Variants in KDM3A observed in about 807,000 individuals in gnomAD.
The protein encoded by KDM3A is lysine-specific demethylase 3A.
KDM3A carries 60 observed loss-of-function variants against 158.0 expected under a neutral mutation model. The ratio of observed to expected loss-of-function variants is 0.38; its 90% confidence interval spans 0.31 to 0.47. KDM3A has a LOEUF of 0.47. Among genes scored for constraint, KDM3A ranks in the 20% least tolerant of loss-of-function variants. The pLI is 0.99. For missense variants in KDM3A, 1,319 were observed against 1,574.3 expected, an observed-to-expected ratio of 0.84 and a Z score of 2.74; for synonymous variants, 608 against 549.3, an observed-to-expected ratio of 1.11 and a Z score of -1.49.
intron 18 of KDM3A, 198 bp downstream of exon 18, chr2:86,482,892 T>C: frequency 1.7e-6 from 1 of 571,668 alleles, no homozygotes. Context: ...AAGCTGGACT[T>C]TTCCAGTCAG....
In KDM3A at chr2:86,491,295, C is replaced by G; in HGVS notation, c.3885+20C>G. On this transcript the variant is annotated intron_variant, in intron 25 of 25. Coordinates refer to ENST00000312912, the MANE Select transcript of KDM3A (RefSeq NM_018433.6). ...TTACAGGTAAAAATAGCACCAATTC[C>G]TAGCATTCTTTGGCTATGGCTATGG... The G allele has an allele frequency of 1.2e-6, 2 of 1,611,878 alleles. No individual in the cohort carries two copies. Among genetic ancestry groups the G allele is most frequent in the Non-Finnish European group, 1.7e-6 (2 of 1,178,206 alleles).
At chr2:86,489,699 A>G in intron 23 of KDM3A, 40 bp downstream of exon 23, 1 of 1,574,026 alleles carries the variant, frequency 6.4e-7, no homozygotes, top group Non-Finnish European at 8.6e-7. Flanking sequence ...GGCATAAGGA[A>G]TAGCAATATT....
intron 2 of KDM3A, 101 bp from the exon 3 acceptor site, chr2:86,449,706 T>C (rs1672357722): frequency 3.9e-6 from 5 of 1,286,108 alleles, no homozygotes; most frequent in Admixed American, 4.9e-5. Context: ...AGATAAAGGA[T>C]TCAAATAGAA....
intron 8 of KDM3A, among the ~76,000 whole-genome samples, chr2:86,461,091 C>A (rs566230716): frequency 3.2e-4 from 49 of 152,222 alleles, no homozygotes; most frequent in African/African-American, 1.1e-3. Context: ...GCGCCAGGCA[C>A]TATGGTAAAA....
rs769738910 is a variant in KDM3A, at chr2:86,450,090, T to A, written c.342+128T>A. ...TCCCAGGATCTCCTGCCAGCCCTTTTAAGAACTCTGCACTTCTGAGCGAGT... is the reference window on the plus strand; with the variant it reads ...TCCCAGGATCTCCTGCCAGCCCTTTAAAGAACTCTGCACTTCTGAGCGAGT... On this transcript the variant is annotated intron_variant, in intron 3 of 25. Transcript: ENST00000312912. 4 of 997,972 alleles carry A rather than the reference T, an allele frequency of 4.0e-6. No homozygotes were observed. In the Admixed American group the frequency reaches 7.5e-5, roughly 19 times the overall value. The allele number at this position is 997,972 out of a possible 1,614,324, so 61.8% of individuals were successfully genotyped here. A position where few individuals can be genotyped will look rare whatever the true frequency, so the allele number is the denominator to read the frequency against.
At chr2:86,488,442 G>T (rs1200210467) in intron 21 of KDM3A, 2 of 152,040 alleles carry the variant, frequency 1.3e-5, no homozygotes, top group African/African-American at 2.4e-5. Flanking sequence ...CTACTCCCAG[G>T]ACTGATATTT....
rs78988705 is a variant in KDM3A, at chr2:86,445,762, C to T, written c.186+3529C>T. On this transcript the variant is annotated intron_variant, in intron 2 of 25. Transcript: ENST00000312912. ...ATGTAAAATGAAAAAACTTCTAGCA[C>T]GGTATAAAAACTGTTTACCCCTTTT... is the stretch of plus-strand genomic sequence containing the variant. Among the ~76,000 whole-genome samples the T allele has an allele frequency of 5.8e-3, 883 of 152,280 alleles. 11 individuals are homozygous for T. The highest frequency in any genetic ancestry group is 0.019 in the African/African-American group (789 of 41,544).
In KDM3A at chr2:86,466,469, C is replaced by G. The variant is rs750083352; in HGVS notation, c.1105C>G (p.Leu369Val). ...TKPDVCKAGL[L>V]SKSSQIGTGD... ...ACCAGATGTCTGCAAAGCAGGGTTG[C>G]TCTCAAAGTCCTCTCAGATTGGAAC... Residue 369 changes from leucine to valine, a missense_variant, in exon 10 of 26, where the codon CTC becomes GTC. Leu to Val is a conservative substitution (Grantham distance 32). This residue lies in a region of KDM3A where 652 missense variants were observed against 627.2 expected (regional missense o/e 1.04). Coordinates refer to ENST00000312912, the MANE Select transcript of KDM3A (RefSeq NM_018433.6). 1.9e-6 allele frequency: 3 copies of G among 1,613,878 alleles called. No homozygotes were observed. The South Asian group carries it at 3.3e-5, about 18-fold the overall frequency.
At chr2:86,477,820 T>G in intron 12 of KDM3A, 57 bp from the exon 13 acceptor site, 1 of 1,519,196 alleles carries the variant, frequency 6.6e-7, no homozygotes, top group Non-Finnish European at 8.9e-7. Flanking sequence ...TACCTTTCGT[T>G]TTTGGTTTCA....
chr2:86,439,156 T>C (rs1445468687), upstream of KDM3A, among the ~76,000 whole-genome samples: 2 of 152,072 alleles, frequency 1.3e-5, no homozygotes, highest in Admixed American at 6.5e-5. Context: ...TAGTTTTCTA[T>C]GTAATTTAAA....
At chr2:86,456,416 A>ATTTTTTTTT (rs11431031) in intron 5 of KDM3A, 26 bp from the exon 6 acceptor site, 2 of 1,057,868 alleles carry the variant, frequency 1.9e-6, no homozygotes, top group Non-Finnish European at 2.5e-6. Context: ...TTGCTCTAAG[A>ATTTTTTTTT]TTTTTTTTTT....
In KDM3A at chr2:86,456,468, G is replaced by A; in HGVS notation, c.583G>A (p.Val195Ile). 7.0e-7 allele frequency: 1 copy of A among 1,437,000 alleles called. No individual in the cohort carries two copies. The highest frequency in any genetic ancestry group is 2.5e-5 in the East Asian group (1 of 39,768). The allele number at this position is 1,437,000 out of a possible 1,614,324, so 89.0% of individuals were successfully genotyped here. ...TGACAAAAACTTAGTTGGTTCAGAA[G>A]TAAAAATTTATAGCTTGGACCCATC... is the stretch of plus-strand genomic sequence containing the variant. Reference protein sequence around the residue: ...KGDKNLVGSEVKIYSLDPSTQ... With the variant: ...KGDKNLVGSEIKIYSLDPSTQ... Residue 195 changes from valine (V) to isoleucine (I), a missense_variant, in exon 6 of 26, where the codon GTA becomes ATA. Physicochemically the swap from Val to Ile is conservative, Grantham distance 29. Around this residue, in one of 4 missense-constraint regions of KDM3A, gnomAD observed 652 missense variants for 627.2 expected, o/e 1.04. Coordinates refer to ENST00000312912, the MANE Select transcript of KDM3A (RefSeq NM_018433.6).
In KDM3A at chr2:86,482,020, C is replaced by G; in HGVS notation, c.2603C>G (p.Thr868Arg). Residue 868 changes from threonine to arginine, a missense_variant, in exon 17 of 26, where the codon ACG becomes AGG. Physicochemically the swap from Thr to Arg is moderately conservative, Grantham distance 71. This residue lies in a region of KDM3A where 368 missense variants were observed against 415.8 expected (regional missense o/e 0.89). Transcript: ENST00000312912. ...PLSKSSTVLH[T>R]FNSTILTPVS... ...AGCAAATCCAGCACAGTCCTCCATA[C>G]GTTTAACAGCACAATTTTGACACCC... is the stretch of plus-strand genomic sequence containing the variant. The G allele has an allele frequency of 6.2e-7, 1 of 1,613,970 alleles. No homozygotes were observed. Among genetic ancestry groups the G allele is most frequent in the Middle Eastern group, 1.6e-4 (1 of 6,062 alleles).
Position 86,491,131 on chromosome 2 carries a change from T to C in KDM3A, c.3751-10T>C. ...GGTTTGTTACTGATATATTACTTGG[T>C]GTTTTTCAGGTTCATAACTTATATA... On this transcript the variant is annotated splice_polypyrimidine_tract_variant and intron_variant, in intron 24 of 25. Coordinates refer to ENST00000312912, the MANE Select transcript of KDM3A (RefSeq NM_018433.6). 1.9e-6 allele frequency: 3 copies of C among 1,613,940 alleles called. No individual in the cohort carries two copies. The highest frequency in any genetic ancestry group is 3.3e-4 in the Middle Eastern group (2 of 6,054).
chr2:86,485,765 G>A lies in KDM3A; in HGVS notation c.3219G>A (p.Glu1073=). The A allele has an allele frequency of 1.2e-6, 2 of 1,614,098 alleles. No individual in the cohort carries two copies. Among genetic ancestry groups the A allele is most frequent in the African/African-American group, 1.3e-5 (1 of 75,050 alleles). The change falls in exon 21 of 26, where the codon GAG becomes GAA. Residue 1073 remains glutamate, a synonymous_variant. Transcript: ENST00000312912. ...TGATGGCCAACATTCCACTGCCCGA[G>A]TACACAAGGCGAGATGGCAAACTGA... The part of the protein sequence containing the change: ...DDLMANIPLP[E]YTRRDGKLNL...
In KDM3A at chr2:86,470,270, C is replaced by A. The variant is rs768810548; in HGVS notation, c.1586C>A (p.Ala529Asp). ...AAAAAGCTGCAACAGAGTGGCGAGG[C>A]CTTCGTACAGGATGATTCTTGTGTG... The part of the protein sequence containing the change: ...KLKKLQQSGE[A>D]FVQDDSCVNI... The change falls in exon 11 of 26, where the codon GCC becomes GAC. Residue 529 changes from alanine (A) to aspartate (D), a missense_variant. Transcript: ENST00000312912. 6.8e-5 allele frequency: 109 copies of A among 1,613,990 alleles called. No homozygotes were observed. The highest frequency in any genetic ancestry group is 1.1e-5 in the Non-Finnish European group (13 of 1,180,004).
intron 16 of KDM3A, among the ~76,000 whole-genome samples, chr2:86,481,343 C>G (rs1673917552): frequency 6.6e-6 from 1 of 152,076 alleles, no homozygotes; most frequent in Admixed American, 6.5e-5. Flanking sequence ...CACTCTGCCT[C>G]CCAGGTTCAA....
chr2:86,459,516 G>T (rs1672839918), intron 8 of KDM3A, among the ~76,000 whole-genome samples: 1 of 152,026 alleles, frequency 6.6e-6, no homozygotes, highest in Non-Finnish European at 1.5e-5. Context: ...GAGGAAGAAG[G>T]GTTGGGAATA....
chr2:86,474,185 A>G (rs886493843), intron 11 of KDM3A, among the ~76,000 whole-genome samples: 1 of 152,214 alleles, frequency 6.6e-6, no homozygotes, highest in Non-Finnish European at 1.5e-5. Flanking sequence ...CAGTATGATT[A>G]TATTGGTTTG....
Sources: gnomAD v4.1 joint callset for allele counts (sites outside exome capture counted in the v4.1 genomes callset) on GRCh38, gnomAD v4.1.1 for gene constraint, gnomAD v4.1.1 regional missense constraint, MANE v1.5 for transcripts, NCBI Gene and HGNC (gene_info 2026-07-23, HGNC 2026-07-21) for gene names.